FA2H: variants seen among roughly 807,000 people sequenced by gnomAD.
FA2H encodes fatty acid alpha-hydroxylase.
In FA2H, 22 loss-of-function variants were observed where a neutral mutation model predicts 44.9. That is an observed-to-expected ratio of 0.49 (90% CI 0.35 to 0.70). FA2H has a LOEUF of 0.70. FA2H is among the 30% of genes least tolerant of loss of function. FA2H has a pLI of 0.01. For synonymous variants in FA2H, 243 were observed against 213.2 expected (o/e 1.14, Z -1.22); for missense variants, 501 against 504.9 (o/e 0.99, Z 0.07).
In FA2H at chr16:74,716,267, G is replaced by A. The variant is rs948209314; in HGVS notation, c.1039+80C>T. ...CCCGTACATGGAACAGTGCCTTGCC[G>A]TTCCCAGGAGCTCGATGGTAGTTGG... On this transcript the variant is annotated intron_variant, in intron 6 of 6. Coordinates refer to ENST00000219368, the MANE Select transcript of FA2H (RefSeq NM_024306.5). 2.1e-5 allele frequency: 33 copies of A among 1,538,604 alleles called. No individual in the cohort carries two copies. In the East Asian group the frequency reaches 2.5e-4, roughly 12 times the overall value.
In FA2H at chr16:74,726,107, A is replaced by G. The variant is rs1379678434; in HGVS notation, c.613+118T>C. 18 of 742,824 alleles carry G rather than the reference A, an allele frequency of 2.4e-5. No individual in the cohort carries two copies. In the East Asian group the frequency reaches 4.7e-4, roughly 19 times the overall value. The allele number at this position is 742,824 out of a possible 1,614,324, so 46.0% of individuals were successfully genotyped here. On this transcript the variant is annotated intron_variant, in intron 4 of 6. Coordinates refer to ENST00000219368, the MANE Select transcript of FA2H (RefSeq NM_024306.5). Reference sequence around the variant, plus strand: ...CTATTTCTACAGAGAGGCTTCACCAAAAATGTCTGTGATGTAGTTTGGGGT... The same window carrying G: ...CTATTTCTACAGAGAGGCTTCACCAGAAATGTCTGTGATGTAGTTTGGGGT...
chr16:74,738,543 C>G (rs1221646578), intron 2 of FA2H, among the ~76,000 whole-genome samples: 2 of 152,208 alleles, frequency 1.3e-5, no homozygotes, highest in Non-Finnish European at 2.9e-5. Context: ...TGTCACATCA[C>G]CCTGATGGCT....
At chr16:74,766,340 A>G (rs1485371840) in intron 1 of FA2H, among the ~76,000 whole-genome samples, 2 of 151,954 alleles carry the variant, frequency 1.3e-5, no homozygotes, top group African/African-American at 2.4e-5. Flanking sequence ...ATGCTGTAAG[A>G]TAGGTTCAGG....
intron 4 of FA2H, chr16:74,725,965 C>G (rs1037495885): frequency 6.5e-6 from 3 of 461,264 alleles, no homozygotes; most frequent in Non-Finnish European, 1.2e-5. Flanking sequence ...CTCTCTCTCT[C>G]TCTTTTTTTA....
chr16:74,726,394 C>CTT, intron 3 of FA2H, 63 bp from the exon 4 acceptor site: 14 of 777,950 alleles, frequency 1.8e-5, no homozygotes, highest in South Asian at 3.3e-5. Flanking sequence ...GTACAGCTTT[C>CTT]TTTTTTTTTT....
intron 2 of FA2H, among the ~76,000 whole-genome samples, chr16:74,727,911 A>G (rs139564055): frequency 3.0e-4 from 45 of 152,310 alleles, no homozygotes; most frequent in Admixed American, 7.8e-4. Flanking sequence ...AATTCATTCA[A>G]TCATTTATTC....
chr16:74,757,828 G>A (rs1597568086), intron 1 of FA2H, among the ~76,000 whole-genome samples: 1 of 152,068 alleles, frequency 6.6e-6, no homozygotes, highest in South Asian at 2.1e-4. Context: ...ACCAGCCTGG[G>A]CAACATGGCA....
chr16:74,735,815 AC>A (rs1008267560), intron 2 of FA2H, among the ~76,000 whole-genome samples: 3 of 152,076 alleles, frequency 2.0e-5, no homozygotes, highest in African/African-American at 7.2e-5. Flanking sequence ...CCCTATCTCT[AC>A]AAAAAAATTT....
Position 74,726,294 on chromosome 16 carries a change from A to G in FA2H, c.544T>C (p.Tyr182His). 1 of 1,614,110 alleles carries G rather than the reference A, an allele frequency of 6.2e-7. No homozygotes were observed. The highest frequency in any genetic ancestry group is 8.5e-7 in the Non-Finnish European group (1 of 1,179,994). The change falls in exon 4 of 7, where the codon TAT (tyrosine) becomes CAT (histidine). Residue 182 changes from tyrosine to histidine, a missense_variant. Transcript: ENST00000219368. The part of the protein sequence containing the change: ...VPIIWVPLVL[Y>H]LSWSYYRTFA... ...GTTCGGTAGTAGGACCAGCTGAGAT[A>G]CAGCACCAGGGGCACCCAGATGATG...
chr16:74,735,235 C>T (rs558143517), intron 2 of FA2H, among the ~76,000 whole-genome samples: 8 of 152,290 alleles, frequency 5.3e-5, no homozygotes, highest in Admixed American at 3.9e-4. Context: ...ACTTCCTCAG[C>T]ACAACGGCTG....
intron 6 of FA2H, 95 bp downstream of exon 6, chr16:74,716,252 G>A: frequency 6.9e-7 from 1 of 1,446,864 alleles, no homozygotes; most frequent in Non-Finnish European, 9.6e-7. Flanking sequence ...CCCGTACATG[G>A]AACAGTGCCT....
At chr16:74,748,156 G>A (rs1225752301) in intron 1 of FA2H, among the ~76,000 whole-genome samples, 3 of 152,238 alleles carry the variant, frequency 2.0e-5, no homozygotes, top group Admixed American at 1.3e-4. Flanking sequence ...CTGCCCATCT[G>A]CAGCCAGGGG....
At chr16:74,721,505 C>T (rs561153461) in intron 4 of FA2H, among the ~76,000 whole-genome samples, 2 of 152,264 alleles carry the variant, frequency 1.3e-5, no homozygotes, top group African/African-American at 4.8e-5. Context: ...ATCTCCCTCA[C>T]CTGCACCCAT....
chr16:74,742,249 GC>G (rs1204906193), intron 1 of FA2H, among the ~76,000 whole-genome samples: 1 of 152,164 alleles, frequency 6.6e-6, no homozygotes, highest in South Asian at 2.1e-4. Context: ...CTGAAGCTCT[GC>G]AGGACTCACA....
At chr16:74,764,569 C>T (rs543415731) in intron 1 of FA2H, among the ~76,000 whole-genome samples, 6 of 152,118 alleles carry the variant, frequency 3.9e-5, no homozygotes, top group East Asian at 3.9e-4. Flanking sequence ...GGCCTCCACC[C>T]GAGGGTGCAG....
intron 1 of FA2H, among the ~76,000 whole-genome samples, chr16:74,755,159 G>GT (rs33961030): frequency 0.26 from 37,693 of 146,538 alleles, 5,295 homozygotes; most frequent in East Asian, 0.58. Flanking sequence ...ATACATTTGT[G>GT]TTTTTTTTTT....
At chr16:74,765,061 G>A (rs1272003935) in intron 1 of FA2H, among the ~76,000 whole-genome samples, 1 of 152,138 alleles carries the variant, frequency 6.6e-6, no homozygotes, top group African/African-American at 2.4e-5. Flanking sequence ...AAAGAACCGA[G>A]GACAAAGGCA....
At position 74,774,810 on chromosome 16, in the gene FA2H, T is replaced by C; in HGVS notation, c.-55A>G. On this transcript the variant is annotated 5_prime_UTR_variant, in exon 1 of 7. Coordinates refer to ENST00000219368, the MANE Select transcript of FA2H (RefSeq NM_024306.5). ...CCCGGCGTCTGCTCTGCTGCCACCC[T>C]GAGCGCCTCTAACATCCCGGGAGCC... 8.0e-7 allele frequency: 1 copy of C among 1,253,996 alleles called. No homozygotes were observed. Among genetic ancestry groups the C allele is most frequent in the African/African-American group, 1.6e-5 (1 of 64,064 alleles). The allele number at this position is 1,253,996 out of a possible 1,614,324, so 77.7% of individuals were successfully genotyped here. A position where few individuals can be genotyped will look rare whatever the true frequency, so the allele number is the denominator to read the frequency against.
At chr16:74,728,876 G>C (rs1045585186) in intron 2 of FA2H, among the ~76,000 whole-genome samples, 17 of 147,206 alleles carry the variant, frequency 1.2e-4, no homozygotes, top group Middle Eastern at 7.4e-3. Flanking sequence ...TCCGCCTCCT[G>C]GGTTCAAGTG....
Sources: gnomAD v4.1 joint callset for allele counts (sites outside exome capture counted in the v4.1 genomes callset) on GRCh38, gnomAD v4.1.1 for gene constraint, MANE v1.5 for transcripts, NCBI Gene and HGNC (gene_info 2026-07-23, HGNC 2026-07-21) for gene names.